MED25: variants seen among roughly 807,000 people sequenced by gnomAD.
MED25 encodes the protein mediator complex subunit 25, also known as mediator of RNA polymerase II transcription subunit 25.
A neutral mutation model predicts 89.4 loss-of-function variants in MED25; 62 were observed. The ratio of observed to expected loss-of-function variants is 0.69; its 90% CI spans 0.57 to 0.86. MED25 has a LOEUF of 0.86. Ranked by LOEUF, MED25 falls within the 40% of genes least tolerant of loss-of-function variation. The pLI, the probability that MED25 is intolerant of heterozygous loss-of-function variation, is 0.00. For missense variants in MED25, 905 were observed against 1,005.2 expected (o/e 0.90, Z 1.35); for synonymous variants, 449 against 427.9 (o/e 1.05, Z -0.61).
rs1475262890 is a variant in MED25 at position 49,819,274 on chromosome 19, G to A, written c.283G>A (p.Val95Ile). The change falls in exon 3 of 18, where the codon GTC (valine) becomes ATC (isoleucine). Residue 95 changes from valine (V) to isoleucine (I), a missense_variant. Physicochemically the swap from Val to Ile is conservative, Grantham distance 29. This residue lies in a region of MED25 where 501 missense variants were observed against 526.9 expected (regional missense o/e 0.95). Coordinates refer to ENST00000312865, the MANE Select transcript of MED25 (RefSeq NM_030973.4). ...HAPTSSAYEFVTWLDGIKFMG... is the reference protein window; with the variant it reads ...HAPTSSAYEFITWLDGIKFMG... ...TCCCACCAGCAGCGCCTATGAGTTT[G>A]TCACCTGGCTCGATGGCATTAAGTG... 3.7e-6 allele frequency: 6 copies of A among 1,614,110 alleles called. No individual in the cohort carries two copies. The highest frequency in any genetic ancestry group is 5.1e-6 in the Non-Finnish European group (6 of 1,180,028).
At position 49,832,876 on chromosome 19, in the gene MED25, A is replaced by G. The variant is rs1309764202; in HGVS notation, c.1482+461A>G. 1.1e-5 allele frequency: 3 copies of G among 267,922 alleles called. No individual in the cohort carries two copies. In the South Asian group the frequency reaches 1.2e-4, roughly 11 times the overall value. 16.6% of individuals were successfully genotyped at this position (267,922 alleles called of 1,614,324 possible). A position where few individuals can be genotyped will look rare whatever the true frequency, so the allele number is the denominator to read the frequency against. ...GTTGCCTCTTCCGGCCGGTAACCCCAGGCTTCAGGTGGCATCGCTCCAGGG... is the reference window on the plus strand; with the variant it reads ...GTTGCCTCTTCCGGCCGGTAACCCCGGGCTTCAGGTGGCATCGCTCCAGGG... On this transcript the variant is annotated intron_variant, in intron 13 of 17. Transcript: ENST00000312865.
At chr19:49,825,182 A>G (rs1316184615) in intron 3 of MED25, among the ~76,000 whole-genome samples, 1 of 152,144 alleles carries the variant, frequency 6.6e-6, no homozygotes, top group African/African-American at 2.4e-5. Context: ...AGTGTTCAAT[A>G]AGAGAAACGC....
chr19:49,838,012 G>A (rs569291992), downstream of MED25, among the ~76,000 whole-genome samples: 149 of 152,298 alleles, frequency 9.8e-4, no homozygotes, highest in African/African-American at 3.5e-3. Flanking sequence ...GATCCAGACA[G>A]GCTTGGAGCG....
intron 2 of MED25, 31 bp downstream of exon 2, chr19:49,818,647 G>A: frequency 6.3e-7 from 1 of 1,599,616 alleles, no homozygotes; most frequent in Non-Finnish European, 8.6e-7. Context: ...GCCTGAGGGA[G>A]GAGGGGCCGG....
chr19:49,828,385 T>C (rs2074029217), intron 3 of MED25, 64 bp from the exon 4 acceptor site: 1 of 1,156,592 alleles, frequency 8.6e-7, no homozygotes, highest in East Asian at 2.3e-5. Flanking sequence ...GAGCAGGCTC[T>C]TCAAGCATAG....
downstream of MED25, among the ~76,000 whole-genome samples, chr19:49,837,627 C>T (rs532260748): frequency 3.3e-5 from 5 of 151,918 alleles, no homozygotes; most frequent in Admixed American, 2.0e-4. Context: ...GTGGCGGTGT[C>T]GGGGGCTGGG....
Position 49,829,753 on chromosome 19 carries a change from G to C in MED25, c.526-33G>C, listed in dbSNP as rs755440102. The C allele has an allele frequency of 1.3e-6, 2 of 1,561,418 alleles. No individual in the cohort carries two copies. Among genetic ancestry groups the C allele is most frequent in the Non-Finnish European group, 1.7e-6 (2 of 1,152,830 alleles). On this transcript the variant is annotated intron_variant, in intron 5 of 17. Coordinates refer to ENST00000312865, the MANE Select transcript of MED25 (RefSeq NM_030973.4). The surrounding 1 kb of genome is among the most constrained non-coding windows in gnomAD (Gnocchi z 4.6). ...CGGCCCCAACACCCTTATGGAGGGGGCCCGTCATGACTGCTCGGCCCCTCT... is the reference window on the plus strand; with the variant it reads ...CGGCCCCAACACCCTTATGGAGGGGCCCCGTCATGACTGCTCGGCCCCTCT...
At chr19:49,824,539 TG>T (rs2074002806) in intron 3 of MED25, among the ~76,000 whole-genome samples, 1 of 149,788 alleles carries the variant, frequency 6.7e-6, no homozygotes, top group African/African-American at 2.5e-5. Context: ...GAGCCGAGAT[TG>T]TGCCACCGCA....
Position 49,836,895 on chromosome 19 carries a change from GCCTGCAGC to G in MED25, c.2198_2205del (p.Leu733GlnfsTer?). 1 of 1,612,848 alleles carries G rather than the reference GCCTGCAGC, an allele frequency of 6.2e-7. No individual in the cohort carries two copies. The highest frequency in any genetic ancestry group is 8.5e-7 in the Non-Finnish European group (1 of 1,179,802). On this transcript the variant is annotated frameshift_variant, in exon 18 of 18. Transcript: ENST00000312865. LOFTEE classifies it high-confidence loss of function. The surrounding 1 kb of genome is among the most constrained non-coding windows in gnomAD (Gnocchi z 5.1). ...CCCCGGGGCCCGGTCCCCCAGCCGG[GCCTGCAGC>G]CCAGCGTCATGGAGGACGACATCCT...
intron 3 of MED25, among the ~76,000 whole-genome samples, chr19:49,822,711 G>T (rs553728744): frequency 7.2e-6 from 1 of 139,626 alleles, no homozygotes; most frequent in African/African-American, 2.7e-5. Flanking sequence ...GCAGTGGTGC[G>T]ATCTCAGCTC....
intron 13 of MED25, chr19:49,833,625 C>G (rs898752119): frequency 2.6e-5 from 4 of 152,230 alleles, no homozygotes; most frequent in African/African-American, 9.6e-5. Context: ...ATTGGGGGCA[C>G]TCGGAAAAAA....
intron 3 of MED25, among the ~76,000 whole-genome samples, chr19:49,827,809 CAG>C (rs1214236731): frequency 6.6e-6 from 1 of 152,072 alleles, no homozygotes; most frequent in Non-Finnish European, 1.5e-5. Flanking sequence ...GCAGACAGCC[CAG>C]AGAGGGGAGG....
At chr19:49,820,510 A>G (rs2073974782) in intron 3 of MED25, among the ~76,000 whole-genome samples, 1 of 152,238 alleles carries the variant, frequency 6.6e-6, no homozygotes, top group Admixed American at 6.5e-5. Context: ...CTTCTTAGAT[A>G]AAACAGAATA....
Position 49,830,424 on chromosome 19 carries a change from G to A in MED25, c.820-87G>A. ...GCTATCCCAGCTGGTGCCTCATGGGGCCATGGGTGGTGTGACCTCGTGGGA... is the reference window on the plus strand; with the variant it reads ...GCTATCCCAGCTGGTGCCTCATGGGACCATGGGTGGTGTGACCTCGTGGGA... On this transcript the variant is annotated intron_variant, in intron 7 of 17. Transcript: ENST00000312865. The surrounding 1 kb of genome is among the most constrained non-coding windows in gnomAD (Gnocchi z 4.6). The A allele has an allele frequency of 7.2e-7, 1 of 1,381,186 alleles. No individual in the cohort carries two copies. Among genetic ancestry groups the A allele is most frequent in the Non-Finnish European group, 1.0e-6 (1 of 976,738 alleles). The allele number at this position is 1,381,186 out of a possible 1,614,324, so 85.6% of individuals were successfully genotyped here.
At position 49,836,964 on chromosome 19, in the gene MED25, G is replaced by C. The variant is rs747016356; in HGVS notation, c.*20G>C. On this transcript the variant is annotated 3_prime_UTR_variant, in exon 18 of 18. Transcript: ENST00000312865. This position sits in a 1 kb window ranked among gnomAD's most constrained non-coding sequence, Gnocchi z 5.1. ...ATCTGAATCCCCAACACCCAATAAAGTTCCTTTTTAACACACGCCCCGGCT... is the reference window on the plus strand; with the variant it reads ...ATCTGAATCCCCAACACCCAATAAACTTCCTTTTTAACACACGCCCCGGCT... 1.2e-6 allele frequency: 2 copies of C among 1,600,140 alleles called. No homozygotes were observed. The highest frequency in any genetic ancestry group is 2.2e-5 in the South Asian group (2 of 89,906).
intron 3 of MED25, among the ~76,000 whole-genome samples, chr19:49,820,389 G>A (rs2073974011): frequency 6.6e-6 from 1 of 152,204 alleles, no homozygotes; most frequent in Non-Finnish European, 1.5e-5. Flanking sequence ...GCACATAACC[G>A]TTGCTATGCA....
chr19:49,830,294 C>A lies in MED25; in HGVS notation c.819+76C>A. 1 of 1,459,334 alleles carries A rather than the reference C, an allele frequency of 6.9e-7. No homozygotes were observed. The highest frequency in any genetic ancestry group is 9.4e-7 in the Non-Finnish European group (1 of 1,059,004). 90.4% of individuals were successfully genotyped at this position (1,459,334 alleles called of 1,614,324 possible). A position where few individuals can be genotyped will look rare whatever the true frequency, so the allele number is the denominator to read the frequency against. ...TGGCCCCTGGGGAGAAATCTAGTTG[C>A]ATGTTGGAGCTTGTGGGATGATGGG... is the stretch of plus-strand genomic sequence containing the variant. On this transcript the variant is annotated intron_variant, in intron 7 of 17. Transcript: ENST00000312865. This position sits in a 1 kb window ranked among gnomAD's most constrained non-coding sequence, Gnocchi z 4.6.
In MED25 at chr19:49,832,301, C is replaced by T. The variant is rs2123882866; in HGVS notation, c.1375-7C>T. ...AGCATGCCAGCCGACTTCTGTGTCT[C>T]CCGCAGACCACCCTGGGCCCTTTGT... On this transcript the variant is annotated splice_polypyrimidine_tract_variant and splice_region_variant and intron_variant, in intron 12 of 17. Coordinates refer to ENST00000312865, the MANE Select transcript of MED25 (RefSeq NM_030973.4). 6.3e-7 allele frequency: 1 copy of T among 1,594,626 alleles called. No individual in the cohort carries two copies. Among genetic ancestry groups the T allele is most frequent in the South Asian group, 1.1e-5 (1 of 89,224 alleles).
rs772452043 is a variant in MED25 at position 49,835,623 on chromosome 19, G to A, written c.1746+18G>A. 9.6e-6 allele frequency: 15 copies of A among 1,556,670 alleles called. No homozygotes were observed. The highest frequency in any genetic ancestry group is 4.7e-5 in the South Asian group (4 of 84,628). On this transcript the variant is annotated intron_variant, in intron 15 of 17. Coordinates refer to ENST00000312865, the MANE Select transcript of MED25 (RefSeq NM_030973.4). This position sits in a 1 kb window ranked among gnomAD's most constrained non-coding sequence, Gnocchi z 6.2. ...AGAATCTGGTGAGGACAGGGCTGGCGGGGTCGGGGCTGGGTTGGGGAGGCC... is the reference window on the plus strand; with the variant it reads ...AGAATCTGGTGAGGACAGGGCTGGCAGGGTCGGGGCTGGGTTGGGGAGGCC...
Sources: gnomAD v4.1 joint callset for allele counts (sites outside exome capture counted in the v4.1 genomes callset) on GRCh38, gnomAD v4.1.1 for gene constraint, gnomAD v4.1.1 regional missense constraint, Gnocchi (gnomAD v3.1) non-coding constraint, MANE v1.5 for transcripts, NCBI Gene and HGNC (gene_info 2026-07-23, HGNC 2026-07-21) for gene names.